SEMA3G: variants seen among roughly 807,000 people sequenced by gnomAD.
SEMA3G encodes semaphorin-3G.
SEMA3G carries 70 observed loss-of-function variants against 86.2 expected under a neutral mutation model. The observed-to-expected ratio is 0.81, with a 90% confidence interval of 0.67 to 0.99. The LOEUF (loss-of-function observed/expected upper bound fraction) is 0.99. SEMA3G is among the 50% of genes least tolerant of loss of function. The pLI, the probability that SEMA3G is intolerant of heterozygous loss-of-function variation, is 0.00. For missense variants in SEMA3G, 1,002 were observed against 1,072.4 expected (o/e 0.93, Z 0.92); for synonymous variants, 416 against 441.4 (o/e 0.94, Z 0.72).
Position 52,441,667 on chromosome 3 carries a change from T to C in SEMA3G, c.574A>G (p.Thr192Ala), listed in dbSNP as rs752733470. Residue 192 changes from threonine to alanine, a missense_variant, in exon 6 of 16, where the codon ACT (threonine) becomes GCT (alanine). By Grantham distance (58) the Thr-to-Ala change is moderately conservative. Transcript: ENST00000231721. ...FIDGELYTGL[T>A]ADFLGREAMI... ...GCCTCTCGCCCCAGGAAGTCAGCAG[T>C]GAGACCCGTGTACAGCTCCCCGTCT... 14 of 1,613,322 alleles carry C rather than the reference T, an allele frequency of 8.7e-6. 2 individuals carry two copies. In the South Asian group the frequency reaches 1.4e-4, roughly 16 times the overall value.
At chr3:52,436,484 G>A (rs914057743) in intron 15 of SEMA3G, among the ~76,000 whole-genome samples, 1 of 152,250 alleles carries the variant, frequency 6.6e-6, no homozygotes, top group Non-Finnish European at 1.5e-5. Context: ...CCAGAACTGG[G>A]CTTCAGAAAC....
In SEMA3G at chr3:52,445,071, C is replaced by G; in HGVS notation, c.-44G>C. 1 of 1,254,536 alleles carries G rather than the reference C, an allele frequency of 8.0e-7. No homozygotes were observed. Among genetic ancestry groups the G allele is most frequent in the Non-Finnish European group, 1.0e-6 (1 of 994,984 alleles). 77.7% of individuals were successfully genotyped at this position (1,254,536 alleles called of 1,614,324 possible). Reference sequence around the variant, plus strand: ...CCGCTGCCGCCTGCCTGCAGAGCCGCCCTCTGGTCCCGCTGGCCGCCGGTT... The same window carrying G: ...CCGCTGCCGCCTGCCTGCAGAGCCGGCCTCTGGTCCCGCTGGCCGCCGGTT... On this transcript the variant is annotated 5_prime_UTR_variant, in exon 1 of 16. Coordinates refer to ENST00000231721, the MANE Select transcript of SEMA3G (RefSeq NM_020163.3).
In SEMA3G at chr3:52,442,116, G is replaced by A; in HGVS notation, c.459+69C>T. 1 of 1,546,614 alleles carries A rather than the reference G, an allele frequency of 6.5e-7. No individual in the cohort carries two copies. Among genetic ancestry groups the A allele is most frequent in the Non-Finnish European group, 8.8e-7 (1 of 1,142,534 alleles). Reference sequence around the variant, plus strand: ...CTCTGTCCCTACCCAGGCTCAATGGGAATGTTCAGGCAGCAGGGAGGAAAT... The same window carrying A: ...CTCTGTCCCTACCCAGGCTCAATGGAAATGTTCAGGCAGCAGGGAGGAAAT... On this transcript the variant is annotated intron_variant, in intron 4 of 15. Coordinates refer to ENST00000231721, the MANE Select transcript of SEMA3G (RefSeq NM_020163.3). The surrounding 1 kb of genome is among the most constrained non-coding windows in gnomAD (Gnocchi z 6.1).
intron 15 of SEMA3G, among the ~76,000 whole-genome samples, chr3:52,436,483 G>A (rs1350219177): frequency 2.0e-5 from 3 of 152,242 alleles, no homozygotes; most frequent in African/African-American, 7.2e-5. Flanking sequence ...CCCAGAACTG[G>A]GCTTCAGAAA....
rs1228296413 is a variant in SEMA3G at position 52,442,476 on chromosome 3, G to T, written c.339+83C>A. ...TCTGCTCCAAATGCCCCTGGTAGAG[G>T]TACCTGGGGCGTGGTCACGGATTGT... On this transcript the variant is annotated intron_variant, in intron 3 of 15. Transcript: ENST00000231721. This position sits in a 1 kb window ranked among gnomAD's most constrained non-coding sequence, Gnocchi z 6.1. 6.7e-7 allele frequency: 1 copy of T among 1,487,710 alleles called. No homozygotes were observed. Among genetic ancestry groups the T allele is most frequent in the Non-Finnish European group, 9.4e-7 (1 of 1,067,230 alleles). 92.2% of individuals were successfully genotyped at this position (1,487,710 alleles called of 1,614,324 possible).
chr3:52,442,149 C>A lies in SEMA3G; in HGVS notation c.459+36G>T. On this transcript the variant is annotated intron_variant, in intron 4 of 15. Coordinates refer to ENST00000231721, the MANE Select transcript of SEMA3G (RefSeq NM_020163.3). The surrounding 1 kb of genome is among the most constrained non-coding windows in gnomAD (Gnocchi z 6.1). Reference sequence around the variant, plus strand: ...AGGCAGCAGGGAGGAAATGTCACTGCCTCCCAGTCCCTTGTGGGGCCTGGC... The same window carrying A: ...AGGCAGCAGGGAGGAAATGTCACTGACTCCCAGTCCCTTGTGGGGCCTGGC... 1 of 1,594,004 alleles carries A rather than the reference C, an allele frequency of 6.3e-7. No individual in the cohort carries two copies. Among genetic ancestry groups the A allele is most frequent in the Non-Finnish European group, 8.6e-7 (1 of 1,167,918 alleles).
chr3:52,440,527 G>A lies in SEMA3G; in HGVS notation c.999-6C>T, dbSNP rs746199687. On this transcript the variant is annotated splice_polypyrimidine_tract_variant and splice_region_variant and intron_variant, in intron 9 of 15. Coordinates refer to ENST00000231721, the MANE Select transcript of SEMA3G (RefSeq NM_020163.3). ...CGAAGCCCTGGAACACGGCACTGCCGGGGCACATGGGACAGTCAGGCCAGA... is the reference window on the plus strand; with the variant it reads ...CGAAGCCCTGGAACACGGCACTGCCAGGGCACATGGGACAGTCAGGCCAGA... The A allele has an allele frequency of 6.2e-5, 99 of 1,605,094 alleles. No individual in the cohort carries two copies. The highest frequency in any genetic ancestry group is 3.4e-4 in the South Asian group (31 of 89,902).
In SEMA3G at chr3:52,437,619, G is replaced by T. The variant is rs750772147; in HGVS notation, c.1786C>A (p.His596Asn). The part of the protein sequence containing the change: ...VAATMVYGTE[H>N]NSTFLECLPK... Reference sequence around the variant, plus strand: ...AGGCACTCCAGGAAGGTGCTATTGTGCTCCGTGCCGTAGACCATGGTGGCT... The same window carrying T: ...AGGCACTCCAGGAAGGTGCTATTGTTCTCCGTGCCGTAGACCATGGTGGCT... The change falls in exon 15 of 16, where the codon CAC (histidine) becomes AAC (asparagine). Residue 596 changes from histidine (H) to asparagine (N), a missense_variant. By Grantham distance (68) the His-to-Asn change is moderately conservative. Coordinates refer to ENST00000231721, the MANE Select transcript of SEMA3G (RefSeq NM_020163.3). 1.9e-6 allele frequency: 3 copies of T among 1,612,940 alleles called. No homozygotes were observed. The South Asian group carries it at 3.3e-5, about 18-fold the overall frequency.
At position 52,439,654 on chromosome 3, in the gene SEMA3G, GACCCTTCCATCAGCCC is replaced by G. The variant is rs766037240; in HGVS notation, c.1467+10_1467+25del. Reference sequence around the variant, plus strand: ...CAGACCCAGAGATGGGGCTTGGAGGGACCCTTCCATCAGCCCCTTGCTTACCTTAAACACCTGGAGC... The same window carrying G: ...CAGACCCAGAGATGGGGCTTGGAGGGCTTGCTTACCTTAAACACCTGGAGC... On this transcript the variant is annotated intron_variant, in intron 12 of 15. Transcript: ENST00000231721. 7 of 1,584,114 alleles carry G rather than the reference GACCCTTCCATCAGCCC, an allele frequency of 4.4e-6. No homozygotes were observed. Among genetic ancestry groups the G allele is most frequent in the South Asian group, 1.1e-5 (1 of 90,480 alleles).
At chr3:52,437,808 C>CAAA in intron 14 of SEMA3G, 142 bp from the exon 15 acceptor site, 2 of 1,157,654 alleles carry the variant, frequency 1.7e-6, no homozygotes, top group Non-Finnish European at 2.5e-6. Flanking sequence ...CCACTGTGTC[C>CAAA]AAAGACCCTG....
chr3:52,442,269 A>G lies in SEMA3G; in HGVS notation c.375T>C (p.Pro125=). The G allele has an allele frequency of 6.2e-7, 1 of 1,613,284 alleles. No homozygotes were observed. The highest frequency in any genetic ancestry group is 8.5e-7 in the Non-Finnish European group (1 of 1,179,708). Residue 125 remains proline, a synonymous_variant, in exon 4 of 16, where the codon CCT becomes CCC. Coordinates refer to ENST00000231721, the MANE Select transcript of SEMA3G (RefSeq NM_020163.3). The surrounding 1 kb of genome is among the most constrained non-coding windows in gnomAD (Gnocchi z 6.1). ...ECANFVRVLQ[P]HNRTHLLACG... The stretch of plus-strand genomic sequence containing the variant: ...AGGCTAGCAGGTGGGTCCGGTTGTG[A>G]GGCTGTAGCACCCGCACGAAGTTGG...
intron 13 of SEMA3G, 123 bp from the exon 14 acceptor site, chr3:52,438,322 G>T (rs1274595625): frequency 2.9e-6 from 4 of 1,399,570 alleles, no homozygotes; most frequent in African/African-American, 2.9e-5. Flanking sequence ...GAACCTCTTG[G>T]ATTCATTCAA....
intron 14 of SEMA3G, 88 bp downstream of exon 14, chr3:52,437,883 A>AGATCTGAGACAAG: frequency 7.9e-7 from 1 of 1,272,940 alleles, no homozygotes; most frequent in Non-Finnish European, 1.1e-6. Flanking sequence ...TGACAAGACC[A>AGATCTGAGACAAG]ATCTGAGAAT....
chr3:52,438,164 G>A lies in SEMA3G; in HGVS notation c.1545C>T (p.Ala515=). Reference sequence around the variant, plus strand: ...TCTCACATTGGTGCAGCCGCAGCTGGGCCACACCCAGCCGAGAGCCCACGT... The same window carrying A: ...TCTCACATTGGTGCAGCCGCAGCTGAGCCACACCCAGCCGAGAGCCCACGT... The part of the protein sequence containing the change: ...MLYVGSRLGV[A]QLRLHQCETY... The change falls in exon 14 of 16, where the codon GCC becomes GCT. Residue 515 remains alanine (A), a synonymous_variant. Transcript: ENST00000231721. 2 of 1,613,290 alleles carry A rather than the reference G, an allele frequency of 1.2e-6. No individual in the cohort carries two copies. The highest frequency in any genetic ancestry group is 1.7e-6 in the Non-Finnish European group (2 of 1,180,004).
In SEMA3G at chr3:52,441,882, C is replaced by T; in HGVS notation, c.487G>A (p.Val163Met). 6.3e-7 allele frequency: 1 copy of T among 1,583,036 alleles called. No individual in the cohort carries two copies. Among genetic ancestry groups the T allele is most frequent in the Non-Finnish European group, 8.6e-7 (1 of 1,164,084 alleles). The change falls in exon 5 of 16, where the codon GTG (valine) becomes ATG (methionine). Residue 163 changes from valine to methionine, a missense_variant. By Grantham distance (21) the Val-to-Met change is conservative. Coordinates refer to ENST00000231721, the MANE Select transcript of SEMA3G (RefSeq NM_020163.3). ...EHVLHLEPGS[V>M]ESGRGRCPHE... The stretch of plus-strand genomic sequence containing the variant: ...GGGCACCGCCCCCGGCCACTTTCCA[C>T]ACTGCCAGGCTCCAGGTGGAGCACA...
chr3:52,441,059 A>T lies in SEMA3G; in HGVS notation c.814-11T>A. 1 of 1,581,964 alleles carries T rather than the reference A, an allele frequency of 6.3e-7. No homozygotes were observed. The highest frequency in any genetic ancestry group is 8.6e-7 in the Non-Finnish European group (1 of 1,169,128). ...GCCCCCAGCATCATTCTGCAGGATA[A>T]GGGGCCAGAGTCACGCTTGGGCCCC... On this transcript the variant is annotated splice_polypyrimidine_tract_variant and intron_variant, in intron 7 of 15. Coordinates refer to ENST00000231721, the MANE Select transcript of SEMA3G (RefSeq NM_020163.3).
Position 52,442,656 on chromosome 3 carries a change from CT to C in SEMA3G, c.277-36del. The C allele has an allele frequency of 6.2e-7, 1 of 1,614,066 alleles. No homozygotes were observed. The highest frequency in any genetic ancestry group is 8.5e-7 in the Non-Finnish European group (1 of 1,179,960). ...AGCCCCGCTGACCTCAGGTCCTCCC[CT>C]GATCTCACAGGCTCAGTTTCCCCAT... On this transcript the variant is annotated intron_variant, in intron 2 of 15. Transcript: ENST00000231721. This position sits in a 1 kb window ranked among gnomAD's most constrained non-coding sequence, Gnocchi z 6.1.
In SEMA3G at chr3:52,440,080, C is replaced by T. The variant is rs775087630; in HGVS notation, c.1162G>A (p.Ala388Thr). 14 of 1,585,174 alleles carry T rather than the reference C, an allele frequency of 8.8e-6. No homozygotes were observed. In the South Asian group the frequency reaches 1.2e-4, roughly 14 times the overall value. ...RPGVCPSKMT[A>T]QPGRPFGSTK... ...CTGCCAAAAGGCCGTCCTGGCTGTGCGGTCATCTTGCTGGGGCACTGTGGG... is the reference window on the plus strand; with the variant it reads ...CTGCCAAAAGGCCGTCCTGGCTGTGTGGTCATCTTGCTGGGGCACTGTGGG... The change falls in exon 11 of 16, where the codon GCA becomes ACA. Residue 388 changes from alanine to threonine, a missense_variant. Physicochemically the swap from Ala to Thr is moderately conservative, Grantham distance 58. Transcript: ENST00000231721.
chr3:52,441,229 G>A, intron 7 of SEMA3G, 35 bp downstream of exon 7: 1 of 1,603,636 alleles, frequency 6.2e-7, no homozygotes, highest in South Asian at 1.1e-5. Flanking sequence ...GGTGTAGCAG[G>A]GACTTGAACC....
Sources: allele counts gnomAD v4.1 joint callset (sites outside exome capture counted in the v4.1 genomes callset), GRCh38; gene constraint gnomAD v4.1.1; non-coding constraint Gnocchi (gnomAD v3.1); transcripts MANE v1.5; gene names NCBI Gene and HGNC (gene_info 2026-07-23, HGNC 2026-07-21).